NELL1: variants seen among roughly 807,000 people sequenced by gnomAD.
The protein encoded by NELL1 is protein kinase C-binding protein NELL1.
NELL1 carries 76 observed loss-of-function variants against 107.4 expected under a neutral mutation model. The ratio of observed to expected loss-of-function variants is 0.71; its 90% CI spans 0.59 to 0.86. The LOEUF (loss-of-function observed/expected upper bound fraction) is 0.86, where lower values mean the gene tolerates loss of function less well. Among genes scored for constraint, NELL1 ranks in the 40% least tolerant of loss-of-function variants. NELL1 has a pLI of 0.00. For missense variants in NELL1, 1,024 were observed against 1,005.5 expected (o/e 1.02, Z -0.25); for synonymous variants, 353 against 341.2 (o/e 1.03, Z -0.38).
At chr11:21,447,294 A>G (rs1463814150) in intron 15 of NELL1, among the ~76,000 whole-genome samples, 1 of 152,132 alleles carries the variant, frequency 6.6e-6, no homozygotes, top group East Asian at 1.9e-4. Flanking sequence ...CCTAAGCTTC[A>G]GGACAAAGTC....
At chr11:21,177,874 T>C (rs1391364772) in intron 13 of NELL1, among the ~76,000 whole-genome samples, 1 of 151,902 alleles carries the variant, frequency 6.6e-6, no homozygotes, top group Non-Finnish European at 1.5e-5. Flanking sequence ...TTCATGATGT[T>C]GAACTTTTAA....
intron 5 of NELL1, among the ~76,000 whole-genome samples, chr11:20,887,819 C>G (rs1228944261): frequency 6.6e-6 from 1 of 152,120 alleles, no homozygotes; most frequent in Non-Finnish European, 1.5e-5. Context: ...GAGAAAGTCA[C>G]TTTTGATGTA....
chr11:20,678,034 A>G lies in NELL1; in HGVS notation c.158A>G (p.Asn53Ser). 12 of 1,614,128 alleles carry G rather than the reference A, an allele frequency of 7.4e-6. No individual in the cohort carries two copies. Among genetic ancestry groups the G allele is most frequent in the Non-Finnish European group, 1.0e-5 (12 of 1,180,000 alleles). ...LGVAQVSGMHNASKAFLFQDI... is the reference protein window; with the variant it reads ...LGVAQVSGMHSASKAFLFQDI... ...GTTGCTCAGGTGTCTGGAATGCACAATGCCAGCAAAGCATTTTTATTTCAA... is the reference window on the plus strand; with the variant it reads ...GTTGCTCAGGTGTCTGGAATGCACAGTGCCAGCAAAGCATTTTTATTTCAA... The change falls in exon 2 of 20, where the codon AAT becomes AGT. Residue 53 changes from asparagine to serine, a missense_variant. Coordinates refer to ENST00000357134, the MANE Select transcript of NELL1 (RefSeq NM_006157.5).
At chr11:20,683,286 C>A (rs1392122090) in intron 2 of NELL1, among the ~76,000 whole-genome samples, 2 of 152,002 alleles carry the variant, frequency 1.3e-5, no homozygotes, top group Non-Finnish European at 2.9e-5. Flanking sequence ...ATCAATTATA[C>A]GTTTAACTCA....
intron 15 of NELL1, among the ~76,000 whole-genome samples, chr11:21,527,049 C>G (rs1855873147): frequency 1.3e-5 from 2 of 152,180 alleles, no homozygotes; most frequent in Non-Finnish European, 2.9e-5. Flanking sequence ...ATTTTTCAAA[C>G]TTTTATGCTC....
At chr11:20,741,571 T>C (rs1519732) in intron 2 of NELL1, among the ~76,000 whole-genome samples, 97,330 of 151,996 alleles carry the variant, frequency 0.64, 31,343 homozygotes, top group Middle Eastern at 0.76. Flanking sequence ...AAGAACATCA[T>C]GGTGTTTCTT....
At chr11:21,417,720 C>T (rs1157377755) in intron 15 of NELL1, among the ~76,000 whole-genome samples, 1 of 152,022 alleles carries the variant, frequency 6.6e-6, no homozygotes, top group Non-Finnish European at 1.5e-5. Flanking sequence ...ATCCCCATTA[C>T]CTGAGCCTAT....
chr11:21,143,072 A>G (rs909465817), intron 13 of NELL1, among the ~76,000 whole-genome samples: 2 of 152,208 alleles, frequency 1.3e-5, no homozygotes, highest in African/African-American at 4.8e-5. Context: ...GCATCTGGGT[A>G]AGGATTTAAG....
At chr11:21,220,270 G>A (rs914341686) in intron 13 of NELL1, among the ~76,000 whole-genome samples, 1 of 152,240 alleles carries the variant, frequency 6.6e-6, no homozygotes. Flanking sequence ...TAGCTTTGTA[G>A]TATATTTTGA....
At chr11:21,550,833 TG>T (rs1171509158) in intron 16 of NELL1, among the ~76,000 whole-genome samples, 1 of 151,958 alleles carries the variant, frequency 6.6e-6, no homozygotes, top group African/African-American at 2.4e-5. Context: ...GGCTCTTTTT[TG>T]GTTCCATATG....
chr11:21,511,800 G>C (rs1308526707), intron 15 of NELL1, among the ~76,000 whole-genome samples: 1 of 152,098 alleles, frequency 6.6e-6, no homozygotes, highest in East Asian at 1.9e-4. Context: ...GAATGGTATG[G>C]GATGAGAAAA....
intron 15 of NELL1, among the ~76,000 whole-genome samples, chr11:21,388,114 A>G (rs1851789084): frequency 6.6e-6 from 1 of 151,124 alleles, no homozygotes. Context: ...TACTGCCTTC[A>G]GCCTTCCTTC....
chr11:21,425,223 C>A (rs1852788870), intron 15 of NELL1, among the ~76,000 whole-genome samples: 1 of 151,978 alleles, frequency 6.6e-6, no homozygotes, highest in Non-Finnish European at 1.5e-5. Context: ...TTCCCAAAGT[C>A]TTTTGTTGCA....
intron 15 of NELL1, among the ~76,000 whole-genome samples, chr11:21,431,558 A>T (rs1039943688): frequency 1.3e-5 from 2 of 152,212 alleles, no homozygotes; most frequent in African/African-American, 4.8e-5. Flanking sequence ...AGGAGTTAAA[A>T]TTTTGACATT....
At chr11:21,512,774 A>G (rs895015674) in intron 15 of NELL1, among the ~76,000 whole-genome samples, 5 of 152,142 alleles carry the variant, frequency 3.3e-5, no homozygotes, top group African/African-American at 9.7e-5. Context: ...ATAAAATGCC[A>G]TCCCAAATTG....
intron 15 of NELL1, among the ~76,000 whole-genome samples, chr11:21,529,456 G>C (rs1392959811): frequency 1.3e-5 from 2 of 152,106 alleles, no homozygotes; most frequent in Non-Finnish European, 2.9e-5. Context: ...TACAATTCTG[G>C]CATTCAGCAA....
At position 21,383,873 on chromosome 11, in the gene NELL1, C is replaced by G. The variant is rs1851674482; in HGVS notation, c.1645+12925C>G. 2.0e-5 allele frequency: 3 copies of G among 151,718 alleles called. No individual in the cohort carries two copies. The South Asian group carries it at 6.2e-4, about 32-fold the overall frequency. 9.4% of individuals were successfully genotyped at this position (151,718 alleles called of 1,614,324 possible). ...GACCCTTTGGCTTCTCAAGATCAGA[C>G]AAGATCGGGCATGTTAAGGGTGGTA... On this transcript the variant is annotated intron_variant, in intron 15 of 19. Coordinates refer to ENST00000357134, the MANE Select transcript of NELL1 (RefSeq NM_006157.5).
chr11:21,304,918 T>A (rs1425742781), intron 14 of NELL1, among the ~76,000 whole-genome samples: 1 of 151,974 alleles, frequency 6.6e-6, no homozygotes, highest in Non-Finnish European at 1.5e-5. Context: ...GAAAATATGA[T>A]GTAACAAGAA....
At chr11:21,326,730 A>G (rs1850151133) in intron 14 of NELL1, among the ~76,000 whole-genome samples, 1 of 151,710 alleles carries the variant, frequency 6.6e-6, no homozygotes, top group African/African-American at 2.4e-5. Context: ...ATTTTTAAAT[A>G]TTTTCACTGA....
Sources: gnomAD v4.1 joint callset for allele counts (sites outside exome capture counted in the v4.1 genomes callset) on GRCh38, gnomAD v4.1.1 for gene constraint, MANE v1.5 for transcripts, NCBI Gene and HGNC (gene_info 2026-07-23, HGNC 2026-07-21) for gene names.